The following COL4A5 variants were observed in gnomAD, a reference collection of about 807,000 sequenced individuals.
COL4A5 encodes the protein collagen type IV alpha 5 chain.
A neutral mutation model predicts 130.2 loss-of-function variants in COL4A5; 26 were observed. That is an observed-to-expected ratio of 0.20 (90% CI 0.15 to 0.28). The LOEUF (loss-of-function observed/expected upper bound fraction) is 0.28. Ranked by LOEUF, COL4A5 falls within the 10% of genes least tolerant of loss-of-function variation. The pLI is 1.00. For missense variants in COL4A5, 1,131 were observed against 1,344.3 expected (o/e 0.84, Z 2.48); for synonymous variants, 496 against 439.6 (o/e 1.13, Z -1.60).
chrX:108,586,647 A>G lies in COL4A5; in HGVS notation c.1065A>G (p.Ile355Met). 8.3e-7 allele frequency: 1 copy of G among 1,206,287 alleles called. No homozygotes were observed. Among genetic ancestry groups the G allele is most frequent in the South Asian group, 1.8e-5 (1 of 56,848 alleles). The change falls in exon 19 of 53, where the codon ATA becomes ATG. Residue 355 changes from isoleucine (I) to methionine (M), a missense_variant. Coordinates refer to ENST00000328300, the MANE Select transcript of COL4A5 (RefSeq NM_033380.3). ...VIPRPGTGIT[I>M]GEKGNIGLPG... ...CTAGACCTGGGACTGGTATAACTAT[A>G]GGAGAAAAAGGAAACATTGGGTTGC...
intron 1 of COL4A5, among the ~76,000 whole-genome samples, chrX:108,530,550 T>C (rs1361898684): frequency 9.8e-6 from 1 of 102,152 alleles, no homozygotes; most frequent in Non-Finnish European, 2.0e-5. Context: ...GCGAAGGACA[T>C]GAACAGACAC....
At chrX:108,674,777 C>CTTTTTTTTTTTTTTTTTTTTTATT in intron 43 of COL4A5, 24 bp downstream of exon 43, 1 of 981,734 alleles carries the variant, frequency 1.0e-6, no homozygotes, top group Non-Finnish European at 1.3e-6. Context: ...CTGGTCAATT[C>CTTTTTTTTTTTTTTTTTTTTTATT]TTTTTTTTTT....
At position 108,598,759 on chromosome X, in the gene COL4A5, C is replaced by A; in HGVS notation, c.1837C>A (p.Leu613Ile). Reference protein sequence around the residue: ...GPPGNPGLPGLPGNIGPMGPP... With the variant: ...GPPGNPGLPGIPGNIGPMGPP... ...CCCTGGGAACCCAGGTTTACCAGGC[C>A]TCCCAGGGAATATAGGGCCTATGGG... The change falls in exon 25 of 53, where the codon CTC becomes ATC. Residue 613 changes from leucine to isoleucine, a missense_variant. Leu to Ile is a conservative substitution (Grantham distance 5). Transcript: ENST00000328300. 1 of 1,209,974 alleles carries A rather than the reference C, an allele frequency of 8.3e-7. No individual in the cohort carries two copies.
rs776235806 is a variant in COL4A5 at position 108,571,463 on chromosome X, T to C, written c.435T>C (p.Pro145=). 3.4e-6 allele frequency: 4 copies of C among 1,191,500 alleles called. No individual in the cohort carries two copies. The highest frequency in any genetic ancestry group is 4.6e-6 in the Non-Finnish European group (4 of 879,045). ...GSPGFPGLQG[P]PGPPGIPGMK... Reference sequence around the variant, plus strand: ...CCGGTTTTCCTGGTTTACAGGGTCCTCCAGTAAGTTATAAAATTTGGGATT... The same window carrying C: ...CCGGTTTTCCTGGTTTACAGGGTCCCCCAGTAAGTTATAAAATTTGGGATT... The change falls in exon 7 of 53, where the codon CCT becomes CCC. Residue 145 remains proline, a synonymous_variant. Coordinates refer to ENST00000328300, the MANE Select transcript of COL4A5 (RefSeq NM_033380.3).
At chrX:108,642,128 T>C (rs1338777821) in intron 36 of COL4A5, among the ~76,000 whole-genome samples, 1 of 110,127 alleles carries the variant, frequency 9.1e-6, no homozygotes, top group African/African-American at 3.3e-5. Flanking sequence ...CCCCCACTTC[T>C]CTGACAATCT....
intron 30 of COL4A5, among the ~76,000 whole-genome samples, chrX:108,618,079 G>A (rs1258993810): frequency 4.5e-5 from 5 of 110,926 alleles, no homozygotes; most frequent in East Asian, 2.8e-4. Context: ...GGTTCCATTC[G>A]GCTGCCAATA....
intron 32 of COL4A5, 63 bp downstream of exon 32, chrX:108,621,955 A>G (rs1270506012): frequency 4.9e-6 from 4 of 817,968 alleles, no homozygotes; most frequent in African/African-American, 4.0e-5. Flanking sequence ...GCTTTATGTC[A>G]GTACAGAATA....
At position 108,606,724 on chromosome X, in the gene COL4A5, G is replaced by A; in HGVS notation, c.2245-18G>A. Reference sequence around the variant, plus strand: ...GTCATGGGAGTTTTTGTTGTGTTTTGTCATGTGTATGCTCAAGGGTGAACC... The same window carrying A: ...GTCATGGGAGTTTTTGTTGTGTTTTATCATGTGTATGCTCAAGGGTGAACC... On this transcript the variant is annotated intron_variant, in intron 28 of 52. Coordinates refer to ENST00000328300, the MANE Select transcript of COL4A5 (RefSeq NM_033380.3). The A allele has an allele frequency of 8.3e-7, 1 of 1,210,944 alleles. No homozygotes were observed. Among genetic ancestry groups the A allele is most frequent in the Non-Finnish European group, 1.1e-6 (1 of 894,738 alleles).
At chrX:108,575,208 C>A (rs760047299) in intron 9 of COL4A5, among the ~76,000 whole-genome samples, 1 of 111,691 alleles carries the variant, frequency 9.0e-6, no homozygotes, top group South Asian at 3.8e-4. Context: ...TTGTATCATT[C>A]TCTTATAATT....
At chrX:108,634,049 C>T (rs1480299450) in intron 36 of COL4A5, among the ~76,000 whole-genome samples, 1 of 111,084 alleles carries the variant, frequency 9.0e-6, no homozygotes, top group Admixed American at 9.6e-5. Flanking sequence ...TCACTTCTTT[C>T]AAATTCTGTC....
chrX:108,668,181 T>C (rs2068123760), intron 40 of COL4A5, 138 bp from the exon 41 acceptor site: 4 of 546,709 alleles, frequency 7.3e-6, no homozygotes, highest in Non-Finnish European at 1.2e-5. Context: ...GTTTTCTGGG[T>C]AGATTTGGGA....
chrX:108,622,929 G>C, intron 33 of COL4A5, 104 bp downstream of exon 33: 9 of 693,095 alleles, frequency 1.3e-5, no homozygotes, highest in Admixed American at 3.6e-5. Flanking sequence ...ACCAACAAAG[G>C]CACTTAAATG....
intron 33 of COL4A5, 48 bp downstream of exon 33, chrX:108,622,873 GTTTAA>G (rs775516128): frequency 1.8e-6 from 2 of 1,126,536 alleles, no homozygotes; most frequent in African/African-American, 3.6e-5. Context: ...TATATCTGAA[GTTTAA>G]TTTTTAAATA....
chrX:108,660,193 A>C (rs887070480), intron 37 of COL4A5, among the ~76,000 whole-genome samples: 1 of 112,202 alleles, frequency 8.9e-6, no homozygotes, highest in African/African-American at 3.2e-5. Context: ...GATTGTGTTT[A>C]TATATTTCAG....
At chrX:108,443,243 A>G (rs1021498960) in intron 1 of COL4A5, among the ~76,000 whole-genome samples, 2 of 112,267 alleles carry the variant, frequency 1.8e-5, no homozygotes, top group African/African-American at 6.5e-5. Flanking sequence ...CTAGAGTGAG[A>G]TTATTTAAAA....
intron 38 of COL4A5, among the ~76,000 whole-genome samples, chrX:108,665,819 G>A (rs1401989322): frequency 8.9e-6 from 1 of 112,169 alleles, no homozygotes; most frequent in Non-Finnish European, 1.9e-5. Flanking sequence ...GGGAGGCCGA[G>A]GTGGGAGGAT....
chrX:108,535,491 A>G (rs964087259), intron 1 of COL4A5, among the ~76,000 whole-genome samples: 1 of 111,030 alleles, frequency 9.0e-6, no homozygotes, highest in African/African-American at 3.3e-5. Context: ...CCCAGCCTCT[A>G]GAAGGTCAAT....
intron 40 of COL4A5, among the ~76,000 whole-genome samples, chrX:108,667,642 A>C: frequency 9.1e-6 from 1 of 109,902 alleles, no homozygotes. Flanking sequence ...ACCAAATAGT[A>C]GAAGGACTGA....
chrX:108,526,644 CT>C (rs1192063838), intron 1 of COL4A5, among the ~76,000 whole-genome samples: 247 of 55,851 alleles, frequency 4.4e-3, no homozygotes, highest in African/African-American at 9.6e-3. Context: ...TTCTTTCTTT[CT>C]TTCTTTCTTT....
Sources: allele counts gnomAD v4.1 joint callset (sites outside exome capture counted in the v4.1 genomes callset), GRCh38; gene constraint gnomAD v4.1.1; transcripts MANE v1.5; gene names NCBI Gene and HGNC (gene_info 2026-07-23, HGNC 2026-07-21).